SGK3: variants seen among roughly 807,000 people sequenced by gnomAD.
SGK3 encodes serine/threonine-protein kinase Sgk3.
SGK3 carries 47 observed loss-of-function variants against 68.5 expected under a neutral mutation model. The ratio of observed to expected loss-of-function variants is 0.69; its 90% CI spans 0.54 to 0.87. The LOEUF is 0.87. Among genes scored for constraint, SGK3 ranks in the 40% least tolerant of loss-of-function variants. The pLI, the probability that SGK3 is intolerant of heterozygous loss-of-function variation, is 0.00. For missense variants in SGK3, 479 were observed against 575.5 expected (o/e 0.83, Z 1.72); for synonymous variants, 181 against 189.1 (o/e 0.96, Z 0.35).
At chr8:66,779,325 TGACTC>T (rs1297060571) in intron 1 of SGK3, among the ~76,000 whole-genome samples, 14 of 152,030 alleles carry the variant, frequency 9.2e-5, no homozygotes, top group African/African-American at 2.7e-4. Flanking sequence ...GATTAAAACT[TGACTC>T]GAGCTTGTGT....
intron 1 of SGK3, among the ~76,000 whole-genome samples, chr8:66,750,224 T>C (rs1316544134): frequency 1.3e-5 from 2 of 152,136 alleles, no homozygotes; most frequent in South Asian, 2.1e-4. Context: ...CTGTCCTTTG[T>C]ACATATCTGG....
At chr8:66,839,865 T>C in intron 10 of SGK3, 138 bp from the exon 11 acceptor site, 1 of 741,494 alleles carries the variant, frequency 1.3e-6, no homozygotes, top group Admixed American at 3.2e-5. Flanking sequence ...TTTCTGTGCC[T>C]TGTTAACATT....
intron 14 of SGK3, 100 bp from the exon 15 acceptor site, chr8:66,847,093 T>G: frequency 6.6e-7 from 1 of 1,511,436 alleles, no homozygotes; most frequent in Non-Finnish European, 8.8e-7. Flanking sequence ...GGTCCATACA[T>G]TTTTTCAACT....
At chr8:66,844,488 A>G (rs1809928122) in intron 14 of SGK3, among the ~76,000 whole-genome samples, 1 of 152,262 alleles carries the variant, frequency 6.6e-6, no homozygotes, top group African/African-American at 2.4e-5. Context: ...TTGAGTTAAT[A>G]TTATTCCAAC....
chr8:66,723,922 G>A (rs1804898457), intron 1 of SGK3, among the ~76,000 whole-genome samples: 1 of 152,068 alleles, frequency 6.6e-6, no homozygotes, highest in South Asian at 2.1e-4. Context: ...GTATCTGTAA[G>A]GAGATTTTTT....
intron 1 of SGK3, among the ~76,000 whole-genome samples, chr8:66,730,051 G>A (rs1210343619): frequency 2.6e-5 from 4 of 152,040 alleles, no homozygotes; most frequent in Non-Finnish European, 4.4e-5. Flanking sequence ...GAGCCACCGT[G>A]CCCAGCCCTA....
chr8:66,768,356 A>G (rs1343277772), intron 1 of SGK3, among the ~76,000 whole-genome samples: 4 of 149,270 alleles, frequency 2.7e-5, no homozygotes, highest in Admixed American at 6.7e-5. Flanking sequence ...TAACTTTTCT[A>G]TGTCTGAAGG....
chr8:66,729,186 T>G (rs1286122961), intron 1 of SGK3, among the ~76,000 whole-genome samples: 1 of 135,150 alleles, frequency 7.4e-6, no homozygotes, highest in Non-Finnish European at 1.6e-5. Flanking sequence ...GCCTCTGCAC[T>G]CCTCTCACGC....
At chr8:66,714,850 A>G (rs574364775) in intron 1 of SGK3, among the ~76,000 whole-genome samples, 1 of 152,308 alleles carries the variant, frequency 6.6e-6, no homozygotes, top group South Asian at 2.1e-4. Context: ...CCTGGATTGC[A>G]CAGCAGGTGA....
intron 1 of SGK3, among the ~76,000 whole-genome samples, chr8:66,792,613 T>C (rs1245734263): frequency 6.6e-6 from 1 of 152,140 alleles, no homozygotes; most frequent in Admixed American, 6.6e-5. Context: ...GTGCGGTGGC[T>C]CATGCCTGTA....
At chr8:66,772,651 C>T (rs1052334654) in intron 1 of SGK3, among the ~76,000 whole-genome samples, 11 of 151,482 alleles carry the variant, frequency 7.3e-5, no homozygotes, top group African/African-American at 1.7e-4. Flanking sequence ...AGCTCTGCCT[C>T]CCGGGTTCAC....
intron 1 of SGK3, among the ~76,000 whole-genome samples, chr8:66,752,483 T>C (rs1311838191): frequency 2.0e-5 from 3 of 152,022 alleles, no homozygotes; most frequent in African/African-American, 4.8e-5. Context: ...TTTAGGGGGC[T>C]ATGGGAATAC....
intron 1 of SGK3, chr8:66,775,337 C>T (rs1394476628): frequency 6.6e-6 from 1 of 152,304 alleles, no homozygotes; most frequent in East Asian, 1.9e-4. Context: ...TGTGGCTCAT[C>T]GAGCTTGCGC....
In SGK3 at chr8:66,822,468, A is replaced by T. The variant is rs189621437; in HGVS notation, c.417+9A>T. 45 of 1,609,476 alleles carry T rather than the reference A, an allele frequency of 2.8e-5. No homozygotes were observed. The East Asian group carries it at 9.8e-4, about 35-fold the overall frequency. ...AAAGAAGTTCTCAGAAGGTAGTAAG[A>T]GGAATTGCCTTTCTTAATAGAAAAA... On this transcript the variant is annotated intron_variant, in intron 6 of 16. Coordinates refer to ENST00000521198, the MANE Select transcript of SGK3 (RefSeq NM_001033578.3).
At chr8:66,806,905 C>T (rs993808290) in intron 4 of SGK3, among the ~76,000 whole-genome samples, 5 of 151,116 alleles carry the variant, frequency 3.3e-5, no homozygotes, top group Non-Finnish European at 7.4e-5. Flanking sequence ...ATTGGTATAA[C>T]AGTGAAGTAT....
chr8:66,781,579 C>T (rs1257305027), intron 1 of SGK3, among the ~76,000 whole-genome samples: 3 of 152,204 alleles, frequency 2.0e-5, no homozygotes, highest in African/African-American at 7.2e-5. Flanking sequence ...TCCACTTCCT[C>T]ACCGAGGCCC....
chr8:66,731,580 A>T (rs201380878), intron 1 of SGK3, among the ~76,000 whole-genome samples: 3 of 151,982 alleles, frequency 2.0e-5, no homozygotes, highest in African/African-American at 7.2e-5. Context: ...TGTTGCCCAG[A>T]CTGGAGTGCA....
intron 1 of SGK3, among the ~76,000 whole-genome samples, chr8:66,731,035 T>G (rs1805135649): frequency 6.6e-6 from 1 of 152,198 alleles, no homozygotes; most frequent in African/African-American, 2.4e-5. Context: ...ACCCATTGAT[T>G]ACTTAAAAGT....
At chr8:66,771,016 G>A (rs1348972730) in intron 1 of SGK3, among the ~76,000 whole-genome samples, 17 of 152,154 alleles carry the variant, frequency 1.1e-4, no homozygotes, top group Admixed American at 1.1e-3. Context: ...CTTGAAAACA[G>A]ATGTTTTATA....
Sources: allele counts gnomAD v4.1 joint callset (sites outside exome capture counted in the v4.1 genomes callset), GRCh38; gene constraint gnomAD v4.1.1; transcripts MANE v1.5; gene names NCBI Gene and HGNC (gene_info 2026-07-23, HGNC 2026-07-21).